CACNB2: variants seen among roughly 807,000 people sequenced by gnomAD.
The protein encoded by CACNB2 is calcium voltage-gated channel auxiliary subunit beta 2, also known as voltage-dependent L-type calcium channel subunit beta-2.
Under a neutral mutation model 73.3 loss-of-function variants are expected in CACNB2, and 42 were observed. The observed-to-expected ratio is 0.57, with a 90% confidence interval of 0.45 to 0.74. The LOEUF is 0.74. Ranked by LOEUF, CACNB2 falls within the 30% of genes least tolerant of loss-of-function variation. The probability of loss-of-function intolerance (pLI) is 0.00; values close to 1 mark genes in which losing one functional copy is unlikely to be tolerated. For synonymous variants in CACNB2, 348 were observed against 310.3 expected, an observed-to-expected ratio of 1.12 and a Z score of -1.28; for missense variants, 940 against 853.0, an observed-to-expected ratio of 1.10 and a Z score of -1.27.
At chr10:18,299,608 G>C (rs1229729342) in intron 2 of CACNB2, among the ~76,000 whole-genome samples, 1 of 152,178 alleles carries the variant, frequency 6.6e-6, no homozygotes, top group East Asian at 1.9e-4. Context: ...CTTCTCAGGA[G>C]GCTGAGGTGG....
chr10:18,498,399 T>C lies in CACNB2; in HGVS notation c.378T>C (p.Ser126=). The change falls in exon 4 of 14, where the codon AGT becomes AGC. Residue 126 remains serine, a synonymous_variant. Coordinates refer to ENST00000324631, the MANE Select transcript of CACNB2 (RefSeq NM_201596.3). ...AFAVRTNVSY[S]AAHEDDVPVP... ...CGGTTCGGACAAATGTCAGCTACAG[T>C]GCGGCCCATGAAGATGATGTTCCAG... 1.9e-6 allele frequency: 3 copies of C among 1,614,146 alleles called. No homozygotes were observed. The highest frequency in any genetic ancestry group is 8.5e-7 in the Non-Finnish European group (1 of 1,179,974).
chr10:18,226,905 A>G (rs1613804), intron 2 of CACNB2, among the ~76,000 whole-genome samples: 121,943 of 151,872 alleles, frequency 0.8, 49,117 homozygotes, highest in Non-Finnish European at 0.84. Context: ...TGTTGCTACT[A>G]TCCAGCCTGG....
intron 2 of CACNB2, among the ~76,000 whole-genome samples, chr10:18,361,509 A>AAG (rs1564468623): frequency 6.6e-6 from 1 of 151,558 alleles, no homozygotes; most frequent in African/African-American, 2.4e-5. Context: ...AAAAAAAAAA[A>AAG]AAAGAAAGAA....
intron 2 of CACNB2, among the ~76,000 whole-genome samples, chr10:18,173,240 C>G (rs2033372613): frequency 6.6e-6 from 1 of 152,122 alleles, no homozygotes; most frequent in African/African-American, 2.4e-5. Context: ...TCTTATAAAG[C>G]TATTTTGAGA....
chr10:18,481,203 TATATATATATATATATA>T (rs2048713153), intron 3 of CACNB2, among the ~76,000 whole-genome samples: 5 of 15,582 alleles, frequency 3.2e-4, no homozygotes, highest in Admixed American at 7.8e-4. Context: ...TATATATATA[TATATATATATATATATA>T]TATATATATA....
rs1156685604 is a variant in CACNB2 at position 18,496,787 on chromosome 10, T to G, written c.334-1568T>G. 6.2e-4 allele frequency among the ~76,000 whole-genome samples: 78 copies of G among 126,090 alleles called. 2 individuals carry two copies. The highest frequency in any genetic ancestry group is 2.4e-3 in the African/African-American group (72 of 30,494). 82.7% of individuals were successfully genotyped at this position (126,090 alleles called of 152,430 possible). A position where few individuals can be genotyped will look rare whatever the true frequency, so the allele number is the denominator to read the frequency against. On this transcript the variant is annotated intron_variant, in intron 3 of 13. Coordinates refer to ENST00000324631, the MANE Select transcript of CACNB2 (RefSeq NM_201596.3). ...CGAGATCATGCCATTGCTCTCCAGCTTGGGCAACAAGAGCGAAACTCCGCC... is the reference window on the plus strand; with the variant it reads ...CGAGATCATGCCATTGCTCTCCAGCGTGGGCAACAAGAGCGAAACTCCGCC...
At chr10:18,345,218 T>A (rs988851123) in intron 2 of CACNB2, among the ~76,000 whole-genome samples, 3 of 152,254 alleles carry the variant, frequency 2.0e-5, no homozygotes, top group African/African-American at 7.2e-5. Context: ...TGGGTTTGAA[T>A]GTTCTTATAA....
At chr10:18,517,288 T>C (rs1405112060) in intron 7 of CACNB2, among the ~76,000 whole-genome samples, 1 of 152,248 alleles carries the variant, frequency 6.6e-6, no homozygotes, top group Non-Finnish European at 1.5e-5. Flanking sequence ...CTTATGCATT[T>C]TTTTAAAAAG....
intron 2 of CACNB2, among the ~76,000 whole-genome samples, chr10:18,333,079 T>C (rs949224669): frequency 2.4e-4 from 37 of 152,170 alleles, no homozygotes; most frequent in Admixed American, 2.2e-3. Flanking sequence ...AAGATAAAAT[T>C]GCTATGCCTC....
chr10:18,524,208 T>G lies in CACNB2; in HGVS notation c.945-3380T>G, dbSNP rs374130052. Among the ~76,000 whole-genome samples, 248 of 119,924 alleles carry G rather than the reference T, an allele frequency of 2.1e-3. 5 individuals carry two copies. The East Asian group carries it at 0.028, about 14-fold the overall frequency. The allele number at this position is 119,924 out of a possible 152,430, so 78.7% of individuals were successfully genotyped here. ...AAAGCTACCTGGGATAAATTCACGG[T>G]TTTTTTTTTTTGTTTTTTTGTTTTG... On this transcript the variant is annotated intron_variant, in intron 9 of 13. Transcript: ENST00000324631.
At chr10:18,285,967 C>T (rs953355785) in intron 2 of CACNB2, among the ~76,000 whole-genome samples, 1 of 152,230 alleles carries the variant, frequency 6.6e-6, no homozygotes, top group South Asian at 2.1e-4. Context: ...TTTGTAGAAT[C>T]ACAGAAGAAA....
chr10:18,449,752 T>A (rs1056721203), intron 3 of CACNB2, among the ~76,000 whole-genome samples: 4 of 152,226 alleles, frequency 2.6e-5, no homozygotes, highest in African/African-American at 7.2e-5. Flanking sequence ...CCCACTTCCC[T>A]TAACCATGTT....
chr10:18,450,621 T>C (rs911437499), intron 3 of CACNB2, among the ~76,000 whole-genome samples: 19 of 148,392 alleles, frequency 1.3e-4, no homozygotes, highest in African/African-American at 3.6e-4. Flanking sequence ...CAGCTGCTTT[T>C]TTTTCTTTTT....
intron 2 of CACNB2, among the ~76,000 whole-genome samples, chr10:18,353,630 A>T (rs904262478): frequency 4.6e-5 from 7 of 152,330 alleles, no homozygotes; most frequent in Middle Eastern, 3.4e-3. Flanking sequence ...TTGAGGGAAT[A>T]ATAAGGCACA....
chr10:18,497,056 C>A (rs887739728), intron 3 of CACNB2, among the ~76,000 whole-genome samples: 2 of 150,942 alleles, frequency 1.3e-5, no homozygotes, highest in African/African-American at 4.9e-5. Context: ...TCTAAAAATA[C>A]AAAAAATTAG....
chr10:18,499,661 A>G (rs2050076587), intron 4 of CACNB2, among the ~76,000 whole-genome samples: 2 of 150,004 alleles, frequency 1.3e-5, no homozygotes, highest in Admixed American at 6.7e-5. Flanking sequence ...CCTGGGTACT[A>G]TGGCTCATGC....
chr10:18,489,074 G>A (rs551469505), intron 3 of CACNB2, among the ~76,000 whole-genome samples: 28 of 152,192 alleles, frequency 1.8e-4, no homozygotes, highest in African/African-American at 5.5e-4. Context: ...AGCACTTTGG[G>A]AGGCCGAGGT....
rs1344901257 is a variant in CACNB2 at position 18,140,692 on chromosome 10, C to T, written c.-45C>T. ...AGGCGGGGGCGAGGAGGAGGGGACC[C>T]GCCGCCGGGGGCTGGCTGCTTCGCT... On this transcript the variant is annotated 5_prime_UTR_variant, in exon 1 of 14. Coordinates refer to ENST00000324631, the MANE Select transcript of CACNB2 (RefSeq NM_201596.3). 3 of 1,552,396 alleles carry T rather than the reference C, an allele frequency of 1.9e-6. No homozygotes were observed. The highest frequency in any genetic ancestry group is 3.7e-5 in the Admixed American group (2 of 54,364).
At chr10:18,259,235 G>T (rs1028512753) in intron 2 of CACNB2, among the ~76,000 whole-genome samples, 56 of 152,036 alleles carry the variant, frequency 3.7e-4, no homozygotes, top group African/African-American at 1.3e-3. Flanking sequence ...CAACCTCTTA[G>T]ACTATTAATA....
Sources: allele counts gnomAD v4.1 joint callset (sites outside exome capture counted in the v4.1 genomes callset), GRCh38; gene constraint gnomAD v4.1.1; transcripts MANE v1.5; gene names NCBI Gene and HGNC (gene_info 2026-07-23, HGNC 2026-07-21).